TNIK: variants seen among roughly 807,000 people sequenced by gnomAD.
The protein encoded by TNIK is TRAF2 and NCK-interacting protein kinase.
TNIK carries 49 observed loss-of-function variants against 191.3 expected under a neutral mutation model. That is an observed-to-expected ratio of 0.26 (90% confidence interval 0.20 to 0.32). The LOEUF (loss-of-function observed/expected upper bound fraction) is 0.32, where lower values mean the gene tolerates loss of function less well. TNIK is among the 10% of genes least tolerant of loss of function. TNIK has a pLI of 1.00. For missense variants in TNIK, 1,155 were observed against 1,702.3 expected (o/e 0.68, Z 5.66); for synonymous variants, 594 against 600.9 (o/e 0.99, Z 0.17).
At chr3:171,094,060 T>C in intron 22 of TNIK, 92 bp from the exon 23 acceptor site, 1 of 1,425,876 alleles carries the variant, frequency 7.0e-7, no homozygotes, top group Non-Finnish European at 9.3e-7. Flanking sequence ...TGGTAAAATA[T>C]ACATATTAAT....
chr3:171,133,033 A>G (rs1729522833), intron 15 of TNIK, among the ~76,000 whole-genome samples: 1 of 152,178 alleles, frequency 6.6e-6, no homozygotes, highest in Non-Finnish European at 1.5e-5. Flanking sequence ...TAAAGAGCTG[A>G]GTAATATCGT....
chr3:171,344,288 T>G (rs1051730396), intron 2 of TNIK, among the ~76,000 whole-genome samples: 1 of 152,166 alleles, frequency 6.6e-6, no homozygotes, highest in African/African-American at 2.4e-5. Flanking sequence ...ACCTTGAGAT[T>G]GCTTGCAAAC....
chr3:171,222,018 A>G (rs1369900253), intron 3 of TNIK, among the ~76,000 whole-genome samples: 1 of 152,142 alleles, frequency 6.6e-6, no homozygotes, highest in African/African-American at 2.4e-5. Flanking sequence ...AGGACCTATT[A>G]TGTGTCAGGT....
At chr3:171,137,124 T>G (rs1184675170) in intron 15 of TNIK, among the ~76,000 whole-genome samples, 1 of 148,480 alleles carries the variant, frequency 6.7e-6, no homozygotes, top group African/African-American at 2.5e-5. Context: ...TTTTTTTTTT[T>G]TTTTTTTTTA....
At chr3:171,117,752 C>T (rs1419257535) in intron 18 of TNIK, among the ~76,000 whole-genome samples, 1 of 152,100 alleles carries the variant, frequency 6.6e-6, no homozygotes, top group African/African-American at 2.4e-5. Flanking sequence ...AGGTGGATCA[C>T]GAGGTCAGGA....
In TNIK at chr3:171,107,949, G is replaced by A. The variant is rs1560122278; in HGVS notation, c.2382+116C>T. ...TTTCTTCGGGATGTTTCTAGCATCC[G>A]TTCTTACTAATCTCAACAATTTTTG... On this transcript the variant is annotated intron_variant, in intron 20 of 32. Coordinates refer to ENST00000436636, the MANE Select transcript of TNIK (RefSeq NM_015028.4). 24 of 1,009,742 alleles carry A rather than the reference G, an allele frequency of 2.4e-5. No individual in the cohort carries two copies. In the East Asian group the frequency reaches 5.7e-4, roughly 24 times the overall value. 62.5% of individuals were successfully genotyped at this position (1,009,742 alleles called of 1,614,324 possible).
intron 2 of TNIK, among the ~76,000 whole-genome samples, chr3:171,356,082 T>A (rs981718863): frequency 1.3e-5 from 2 of 152,182 alleles, no homozygotes; most frequent in Non-Finnish European, 2.9e-5. Context: ...TTCATCCATT[T>A]GCTCACAAAA....
intron 1 of TNIK, among the ~76,000 whole-genome samples, chr3:171,388,185 C>T (rs1056376923): frequency 2.6e-5 from 4 of 152,202 alleles, no homozygotes; most frequent in Non-Finnish European, 5.9e-5. Context: ...GGCATGACTG[C>T]CCTCAGCTTC....
chr3:171,290,034 C>T (rs747497622), intron 2 of TNIK, among the ~76,000 whole-genome samples: 14 of 151,538 alleles, frequency 9.2e-5, no homozygotes, highest in Non-Finnish European at 1.3e-4. Context: ...GTGGAAAAAA[C>T]GAATAATTTT....
At chr3:171,160,383 G>C (rs547552007) in intron 11 of TNIK, among the ~76,000 whole-genome samples, 38 of 152,010 alleles carry the variant, frequency 2.5e-4, no homozygotes, top group Middle Eastern at 3.4e-3. Context: ...CCCCTTTTCT[G>C]GTCAGAAAGC....
chr3:171,112,086 ATG>A (rs1243478202), intron 18 of TNIK, among the ~76,000 whole-genome samples: 17 of 151,848 alleles, frequency 1.1e-4, no homozygotes, highest in African/African-American at 4.1e-4. Flanking sequence ...AATGATAACT[ATG>A]TGAGGTGATG....
intron 32 of TNIK, 99 bp downstream of exon 32, chr3:171,066,088 G>T: frequency 6.9e-7 from 1 of 1,451,782 alleles, no homozygotes; most frequent in Non-Finnish European, 9.4e-7. Flanking sequence ...GTTTAACACA[G>T]ATGTGATTCA....
chr3:171,440,590 C>G (rs951542567), intron 1 of TNIK, among the ~76,000 whole-genome samples: 1 of 152,186 alleles, frequency 6.6e-6, no homozygotes, highest in African/African-American at 2.4e-5. Context: ...CATAGAAGGT[C>G]TTGCTAAGTT....
chr3:171,422,827 G>A (rs547760672), intron 1 of TNIK, among the ~76,000 whole-genome samples: 3 of 152,278 alleles, frequency 2.0e-5, no homozygotes, highest in Admixed American at 1.3e-4. Flanking sequence ...TTCCTAGCCC[G>A]GTGGCTTTGA....
chr3:171,153,501 G>A (rs1199349470), intron 12 of TNIK, among the ~76,000 whole-genome samples: 1 of 152,044 alleles, frequency 6.6e-6, no homozygotes, highest in Non-Finnish European at 1.5e-5. Flanking sequence ...GGCTACATTT[G>A]TCTCAAATGT....
chr3:171,199,816 T>TA (rs1288904141), intron 4 of TNIK, among the ~76,000 whole-genome samples: 1 of 152,262 alleles, frequency 6.6e-6, no homozygotes, highest in Non-Finnish European at 1.5e-5. Flanking sequence ...ATAATGCTGC[T>TA]AGCAGCCAAA....
intron 1 of TNIK, among the ~76,000 whole-genome samples, chr3:171,458,555 T>C (rs1729038565): frequency 1.3e-5 from 2 of 152,144 alleles, no homozygotes; most frequent in African/African-American, 4.8e-5. Flanking sequence ...TTCAAAGAGA[T>C]GTGGAGGAAA....
chr3:171,129,329 G>T (rs1274701793), intron 15 of TNIK, among the ~76,000 whole-genome samples: 2 of 152,214 alleles, frequency 1.3e-5, no homozygotes, highest in African/African-American at 4.8e-5. Context: ...AAGAACAAGA[G>T]GATGAAGCTG....
intron 2 of TNIK, among the ~76,000 whole-genome samples, chr3:171,258,442 T>G (rs1247584923): frequency 1.3e-5 from 2 of 152,108 alleles, no homozygotes; most frequent in Non-Finnish European, 2.9e-5. Flanking sequence ...ACTCATTTGT[T>G]TCTTCTTCTA....
Sources: gnomAD v4.1 joint callset for allele counts (sites outside exome capture counted in the v4.1 genomes callset) on GRCh38, gnomAD v4.1.1 for gene constraint, MANE v1.5 for transcripts, NCBI Gene and HGNC (gene_info 2026-07-23, HGNC 2026-07-21) for gene names.